TM2D3: variants seen among roughly 807,000 people sequenced by gnomAD.
TM2D3 encodes the protein TM2 domain containing 3.
In TM2D3, 33 loss-of-function variants were observed where a neutral mutation model predicts 27.3. The ratio of observed to expected loss-of-function variants is 1.21; its 90% CI spans 0.92 to 1.61. TM2D3 has a LOEUF of 1.61. TM2D3 is among the 40% of genes most tolerant of loss of function. The pLI, the probability that TM2D3 is intolerant of heterozygous loss-of-function variation, is 0.00. For missense variants in TM2D3, 364 were observed against 320.8 expected, an observed-to-expected ratio of 1.13 and a Z score of -1.03; for synonymous variants, 138 against 122.2, an observed-to-expected ratio of 1.13 and a Z score of -0.85.
At chr15:101,633,502 G>A in exon 5 of TM2D3, 2 of 495,444 alleles carry the variant, frequency 4.0e-6, no homozygotes. Flanking sequence ...AGATCCCGAA[G>A]GACACCCACA....
At chr15:101,651,837 T>A in intron 1 of TM2D3, 64 bp from the exon 2 acceptor site, 2 of 1,563,754 alleles carry the variant, frequency 1.3e-6, no homozygotes, top group South Asian at 2.2e-5. Context: ...CCTTATTTTG[T>A]GTGGTTAACA....
rs145695307 is a variant in TM2D3 at position 101,643,324 on chromosome 15, C to T, written c.579-680G>A. ...ATGATTTTAAAAGAAACCATGTTGC[C>T]GGGCGCGGTGGCTCACGCCTGTCAT... On this transcript the variant is annotated intron_variant, in intron 5 of 5. Coordinates refer to ENST00000333202, the MANE Select transcript of TM2D3 (RefSeq NM_078474.3). Among the ~76,000 whole-genome samples the T allele has an allele frequency of 3.4e-4, 51 of 152,110 alleles. 1 individual carries two copies. The highest frequency in any genetic ancestry group is 1.2e-3 in the African/African-American group (48 of 41,498).
chr15:101,651,844 AAC>A, intron 1 of TM2D3, 71 bp from the exon 2 acceptor site: 1 of 1,532,860 alleles, frequency 6.5e-7, no homozygotes, highest in Non-Finnish European at 9.0e-7. Context: ...TTGTGTGGTT[AAC>A]ACGGCGGGTC....
chr15:101,633,657 C>G (rs1012471231), exon 5 of TM2D3: 21 of 1,530,578 alleles, frequency 1.4e-5, no homozygotes, highest in Admixed American at 3.9e-5. Flanking sequence ...CCTCAAAAAT[C>G]CACCTTTTTC....
downstream of TM2D3, among the ~76,000 whole-genome samples, chr15:101,638,343 G>A (rs1896594508): frequency 6.6e-6 from 1 of 151,672 alleles, no homozygotes; most frequent in Non-Finnish European, 1.5e-5. Context: ...TGCCCAGGCT[G>A]GAGTGCAATG....
intron 3 of TM2D3, among the ~76,000 whole-genome samples, chr15:101,647,369 T>C (rs553663882): frequency 6.6e-6 from 1 of 152,336 alleles, no homozygotes; most frequent in Non-Finnish European, 1.5e-5. Flanking sequence ...TCCAGCCTGA[T>C]GCTTCTGTAA....
intron 3 of TM2D3, among the ~76,000 whole-genome samples, chr15:101,649,211 AG>A: frequency 6.6e-6 from 1 of 152,278 alleles, no homozygotes; most frequent in East Asian, 1.9e-4. Flanking sequence ...TGTGGGTTTT[AG>A]GAAGTGTTTA....
At chr15:101,651,976 C>T in intron 1 of TM2D3, 1 of 603,566 alleles carries the variant, frequency 1.7e-6, no homozygotes, top group Non-Finnish European at 2.9e-6. Flanking sequence ...CAACGAGGGA[C>T]CGAAGGATGA....
chr15:101,637,598 T>C (rs1438401674), downstream of TM2D3, among the ~76,000 whole-genome samples: 1 of 152,134 alleles, frequency 6.6e-6, no homozygotes, highest in Non-Finnish European at 1.5e-5. Flanking sequence ...CCCCAGCCCC[T>C]TAGATAGGAA....
intron 5 of TM2D3, among the ~76,000 whole-genome samples, chr15:101,643,686 T>C (rs1031843442): frequency 3.4e-5 from 5 of 145,914 alleles, no homozygotes; most frequent in Admixed American, 6.9e-5. Flanking sequence ...TATGTTACAG[T>C]ATAGTACTGT....
At chr15:101,639,879 T>C (rs2141358887), downstream of TM2D3, among the ~76,000 whole-genome samples, 1 of 152,294 alleles carries the variant, frequency 6.6e-6, no homozygotes, top group Non-Finnish European at 1.5e-5. Context: ...AGAGCCTCTG[T>C]GTGCACGGCA....
intron 2 of TM2D3, 152 bp downstream of exon 2, chr15:101,651,544 T>C (rs1193006643): frequency 5.4e-6 from 4 of 734,982 alleles, no homozygotes; most frequent in Non-Finnish European, 8.9e-6. Context: ...TGAAAATGGC[T>C]GTGTATCTAC....
intron 1 of TM2D3, chr15:101,652,018 G>A (rs1896992887): frequency 3.4e-6 from 2 of 579,774 alleles, no homozygotes. Flanking sequence ...CCCCGGCCCA[G>A]CCCCCAAGCG....
At chr15:101,638,548 T>G (rs1235569237), downstream of TM2D3, among the ~76,000 whole-genome samples, 1 of 152,160 alleles carries the variant, frequency 6.6e-6, no homozygotes, top group Non-Finnish European at 1.5e-5. Flanking sequence ...TCTGCCCGCC[T>G]CGGACTCTCA....
At chr15:101,649,261 T>C (rs1896904728) in intron 3 of TM2D3, among the ~76,000 whole-genome samples, 1 of 152,214 alleles carries the variant, frequency 6.6e-6, no homozygotes, top group Admixed American at 6.5e-5. Flanking sequence ...TCACATATTC[T>C]AGAAACGCTT....
At position 101,642,204 on chromosome 15, in the gene TM2D3, A is replaced by T. The variant is rs1305721108; in HGVS notation, c.*275T>A. 3 of 1,101,830 alleles carry T rather than the reference A, an allele frequency of 2.7e-6. No individual in the cohort carries two copies. The African/African-American group carries it at 4.9e-5, about 18-fold the overall frequency. 68.3% of individuals were successfully genotyped at this position (1,101,830 alleles called of 1,614,324 possible). A position where few individuals can be genotyped will look rare whatever the true frequency, so the allele number is the denominator to read the frequency against. On this transcript the variant is annotated 3_prime_UTR_variant, in exon 6 of 6. Coordinates refer to ENST00000333202, the MANE Select transcript of TM2D3 (RefSeq NM_078474.3). The stretch of plus-strand genomic sequence containing the variant: ...ACTTGGGCAATACAAAACAAAAGTC[A>T]TAGGAATTAAATGGATTTTCAATCA...
chr15:101,643,378 G>A (rs911166169), intron 5 of TM2D3, among the ~76,000 whole-genome samples: 7 of 151,986 alleles, frequency 4.6e-5, no homozygotes, highest in Non-Finnish European at 7.4e-5. Context: ...TGAGGCAGGC[G>A]GATCACAAGG....
chr15:101,651,613 T>C lies in TM2D3; in HGVS notation c.169+83A>G, dbSNP rs1032815615. On this transcript the variant is annotated intron_variant, in intron 2 of 5. Coordinates refer to ENST00000333202, the MANE Select transcript of TM2D3 (RefSeq NM_078474.3). ...TTCAAAAATGGAAAGTGACTTCGTA[T>C]ACTAAAGGGAATTTTTATAAAAACA... 14 of 1,339,530 alleles carry C rather than the reference T, an allele frequency of 1.0e-5. No homozygotes were observed. The African/African-American group carries it at 1.8e-4, about 17-fold the overall frequency. 83.0% of individuals were successfully genotyped at this position (1,339,530 alleles called of 1,614,324 possible). A position where few individuals can be genotyped will look rare whatever the true frequency, so the allele number is the denominator to read the frequency against.
At chr15:101,638,236 G>T (rs1038253425), downstream of TM2D3, among the ~76,000 whole-genome samples, 2 of 151,416 alleles carry the variant, frequency 1.3e-5, no homozygotes, top group Non-Finnish European at 2.9e-5. Flanking sequence ...ACAGGAGAAA[G>T]ATATAGATAC....
Sources: gnomAD v4.1 joint callset for allele counts (sites outside exome capture counted in the v4.1 genomes callset) on GRCh38, gnomAD v4.1.1 for gene constraint, MANE v1.5 for transcripts, NCBI Gene and HGNC (gene_info 2026-07-23, HGNC 2026-07-21) for gene names.